The following LUZP4 variants were observed in gnomAD, a reference collection of about 807,000 sequenced individuals.
LUZP4 encodes HOM-TES-85 tumor antigen.
Under a neutral mutation model 8.5 loss-of-function variants are expected in LUZP4, and 11 were observed. That is an observed-to-expected ratio of 1.30 (90% CI 0.82 to 2.14). The LOEUF is 2.14. Ranked by LOEUF, LUZP4 falls within the 30% of genes most tolerant of loss-of-function variation. The probability of loss-of-function intolerance (pLI) is 0.00; values close to 1 mark genes in which losing one functional copy is unlikely to be tolerated. For missense variants in LUZP4, 276 were observed against 229.7 expected (o/e 1.20, Z -1.30); for synonymous variants, 104 against 79.4 (o/e 1.31, Z -1.65).
At chrX:115,299,498 A>G (rs956976125) in intron 1 of LUZP4, among the ~76,000 whole-genome samples, 12 of 111,503 alleles carry the variant, frequency 1.1e-4, no homozygotes, top group African/African-American at 9.8e-5. Context: ...GCTGGCACTC[A>G]TACCACAAGA....
At chrX:115,298,169 C>T (rs934272641) in intron 1 of LUZP4, among the ~76,000 whole-genome samples, 7 of 110,696 alleles carry the variant, frequency 6.3e-5, no homozygotes, top group Non-Finnish European at 3.8e-5. Flanking sequence ...CAGGTTCAAA[C>T]GATTCTCCTG....
intron 3 of LUZP4, 148 bp downstream of exon 3, chrX:115,303,566 G>T: frequency 3.7e-6 from 1 of 268,891 alleles, no homozygotes. Flanking sequence ...TAAATTCAAT[G>T]TTTATTAGTT....
intron 3 of LUZP4, among the ~76,000 whole-genome samples, chrX:115,305,573 G>C (rs954059844): frequency 8.9e-6 from 1 of 111,866 alleles, no homozygotes; most frequent in African/African-American, 3.2e-5. Context: ...TTTGTCAAAG[G>C]TTTCGTTATT....
At chrX:115,299,224 A>T in intron 1 of LUZP4, among the ~76,000 whole-genome samples, 1 of 111,012 alleles carries the variant, frequency 9.0e-6, no homozygotes, top group Non-Finnish European at 1.9e-5. Context: ...CACCACTATG[A>T]CTGTGCTGGG....
intron 1 of LUZP4, among the ~76,000 whole-genome samples, chrX:115,291,650 G>C (rs1387966431): frequency 9.0e-6 from 1 of 111,124 alleles, no homozygotes; most frequent in East Asian, 2.9e-4. Flanking sequence ...AGCTGGGCTT[G>C]GTGGCTCATT....
intron 2 of LUZP4, 121 bp downstream of exon 2, chrX:115,302,244 A>AT (rs2073401035): frequency 7.7e-6 from 5 of 650,494 alleles, no homozygotes; most frequent in East Asian, 7.8e-5. Context: ...TGCTTGTTTT[A>AT]TTTTTTCTGG....
chrX:115,299,548 G>T (rs1419309614), intron 1 of LUZP4, among the ~76,000 whole-genome samples: 1 of 111,401 alleles, frequency 9.0e-6, no homozygotes, highest in Admixed American at 9.5e-5. Context: ...TCCAAAGGCA[G>T]AGGAGCCTCA....
intron 1 of LUZP4, among the ~76,000 whole-genome samples, chrX:115,300,704 G>A (rs1456300889): frequency 1.8e-5 from 2 of 111,406 alleles, no homozygotes; most frequent in Non-Finnish European, 3.8e-5. Context: ...TAACAGGACA[G>A]CACTAAATTC....
At chrX:115,304,647 G>A (rs1365423679) in intron 3 of LUZP4, among the ~76,000 whole-genome samples, 1 of 109,479 alleles carries the variant, frequency 9.1e-6, no homozygotes, top group Non-Finnish European at 1.9e-5. Context: ...AAGTAGCTGG[G>A]ACTATAGGCA....
At chrX:115,296,984 A>T (rs915044968) in intron 1 of LUZP4, among the ~76,000 whole-genome samples, 1 of 111,314 alleles carries the variant, frequency 9.0e-6, no homozygotes, top group Non-Finnish European at 1.9e-5. Flanking sequence ...GTAGGTGTAT[A>T]TATTTATGGG....
Position 115,303,344 on chromosome X carries a change from A to AAAAAACCATCCC in LUZP4, c.276_287dup (p.Gln94_Ser97dup). The AAAAAACCATCCC allele has an allele frequency of 1.7e-6, 2 of 1,200,664 alleles. No individual in the cohort carries two copies. The highest frequency in any genetic ancestry group is 3.7e-5 in the South Asian group (2 of 54,445). ...CAACTCTGAGGAAGGAAATCATGAT[A>AAAAAACCATCCC]AAAAACCATCCCAAAAACCTTCTGG... On this transcript the variant is annotated inframe_insertion, in exon 3 of 4. Coordinates refer to ENST00000371920, the MANE Select transcript of LUZP4 (RefSeq NM_016383.5).
intron 3 of LUZP4, among the ~76,000 whole-genome samples, chrX:115,305,107 A>G (rs2073414578): frequency 8.9e-6 from 1 of 111,938 alleles, no homozygotes; most frequent in Non-Finnish European, 1.9e-5. Flanking sequence ...ATAAACATTC[A>G]TAAAAGGGAC....
rs782251242 is a variant in LUZP4, at chrX:115,307,520, AGTTT to A, written c.*722_*725del. 3.6e-5 allele frequency: 4 copies of A among 112,313 alleles called. No individual in the cohort carries two copies. The highest frequency in any genetic ancestry group is 9.4e-5 in the Admixed American group (1 of 10,584). 9.3% of individuals were successfully genotyped at this position (112,313 alleles called of 1,213,427 possible). On this transcript the variant is annotated 3_prime_UTR_variant, in exon 4 of 4. Coordinates refer to ENST00000371920, the MANE Select transcript of LUZP4 (RefSeq NM_016383.5). ...TAAAAACACAAGATATGTTAACTGC[AGTTT>A]GTTTGGTTATTCAATAAAAGTTTTA...
chrX:115,293,048 G>C (rs2073355275), intron 1 of LUZP4, among the ~76,000 whole-genome samples: 1 of 110,550 alleles, frequency 9.0e-6, no homozygotes, highest in African/African-American at 3.3e-5. Context: ...GCTGGGACTA[G>C]GGTGAGGTAA....
intron 1 of LUZP4, among the ~76,000 whole-genome samples, chrX:115,290,449 T>G (rs1328491722): frequency 9.0e-6 from 1 of 111,514 alleles, no homozygotes; most frequent in African/African-American, 3.3e-5. Flanking sequence ...ATAGCCTTTC[T>G]TTGCTGGCGC....
intron 1 of LUZP4, among the ~76,000 whole-genome samples, chrX:115,296,318 C>T (rs1013137110): frequency 1.8e-5 from 2 of 111,237 alleles, no homozygotes; most frequent in African/African-American, 3.3e-5. Flanking sequence ...TTCTTCAGTC[C>T]TGACAGTTTA....
In LUZP4 at chrX:115,306,338, C is replaced by T; in HGVS notation, c.476C>T (p.Ser159Phe). 5.0e-6 allele frequency: 6 copies of T among 1,211,295 alleles called. No individual in the cohort carries two copies. The highest frequency in any genetic ancestry group is 6.7e-6 in the Non-Finnish European group (6 of 895,427). Residue 159 changes from serine (S) to phenylalanine (F), a missense_variant, in exon 4 of 4, where the codon TCT (serine) becomes TTT (phenylalanine). Ser to Phe is a radical substitution (Grantham distance 155). Coordinates refer to ENST00000371920, the MANE Select transcript of LUZP4 (RefSeq NM_016383.5). ...GGCCAACCAGAAGAAAATCATCATT[C>T]TGAGCGATCCCGAAACCACTTAGAG... ...SQGQPEENHH[S>F]ERSRNHLERS...
Position 115,301,974 on chromosome X carries a change from A to G in LUZP4, c.92-18A>G. ...GCTTTTGCCATTTTATTCATTTTTT[A>G]TGTATTTTCTAATACAGACGACATT... On this transcript the variant is annotated intron_variant, in intron 1 of 3. Transcript: ENST00000371920. 9.3e-7 allele frequency: 1 copy of G among 1,071,856 alleles called. No homozygotes were observed. The highest frequency in any genetic ancestry group is 1.2e-6 in the Non-Finnish European group (1 of 804,608). 88.3% of individuals were successfully genotyped at this position (1,071,856 alleles called of 1,213,427 possible). A position where few individuals can be genotyped will look rare whatever the true frequency, so the allele number is the denominator to read the frequency against.
chrX:115,289,918 A>G (rs2073340768), intron 1 of LUZP4, 68 bp downstream of exon 1: 23 of 803,897 alleles, frequency 2.9e-5, no homozygotes, highest in Middle Eastern at 2.9e-4. Flanking sequence ...AGACCTCGGC[A>G]TAGCGCTTAC....
Sources: allele counts gnomAD v4.1 joint callset (sites outside exome capture counted in the v4.1 genomes callset), GRCh38; gene constraint gnomAD v4.1.1; transcripts MANE v1.5; gene names NCBI Gene and HGNC (gene_info 2026-07-23, HGNC 2026-07-21).